The following ADAMTS2 variants were observed in gnomAD, a reference collection of about 807,000 sequenced individuals.
ADAMTS2 encodes ADAM metallopeptidase with thrombospondin type 1 motif 2.
In ADAMTS2, 50 loss-of-function variants were observed where a neutral mutation model predicts 123.0. The observed-to-expected ratio is 0.41, with a 90% CI of 0.32 to 0.51. The LOEUF is 0.51. Ranked by LOEUF, ADAMTS2 falls within the 20% of genes least tolerant of loss-of-function variation. The probability of loss-of-function intolerance (pLI) is 0.35; values close to 1 mark genes in which losing one functional copy is unlikely to be tolerated. For missense variants in ADAMTS2, 1,494 were observed against 1,705.2 expected (o/e 0.88, Z 2.18); for synonymous variants, 678 against 695.4 (o/e 0.98, Z 0.39).
In ADAMTS2 at chr5:179,234,788, G is replaced by A. The variant is rs1461296134; in HGVS notation, c.689-27073C>T. ...GATGCAGCAGCCTCCTCCCAGACCT[G>A]GCCCCATCCGCTGCTGCTCCCTGCC... On this transcript the variant is annotated intron_variant, in intron 3 of 21. Transcript: ENST00000251582. The surrounding 1 kb of genome is among the most constrained non-coding windows in gnomAD (Gnocchi z 4.7). Among the ~76,000 whole-genome samples the A allele has an allele frequency of 4.6e-5, 7 of 152,082 alleles. No homozygotes were observed. The highest frequency in any genetic ancestry group is 1.7e-4 in the African/African-American group (7 of 41,386).
rs565523551 is a variant in ADAMTS2, at chr5:179,288,766, G to A, written c.535-15702C>T. On this transcript the variant is annotated intron_variant, in intron 2 of 21. Transcript: ENST00000251582. The stretch of plus-strand genomic sequence containing the variant: ...CCTCCCTGGATGCCACTACAGATTC[G>A]GGGAGACTGAACTCATGGGATCAAG... 3.9e-5 allele frequency among the ~76,000 whole-genome samples: 6 copies of A among 152,318 alleles called. No individual in the cohort carries two copies. In the East Asian group the frequency reaches 7.7e-4, roughly 20 times the overall value.
intron 2 of ADAMTS2, among the ~76,000 whole-genome samples, chr5:179,321,490 C>T (rs1177508534): frequency 6.6e-6 from 1 of 152,032 alleles, no homozygotes; most frequent in African/African-American, 2.4e-5. Flanking sequence ...TCCCTGAACC[C>T]CCTCCTCTTG....
rs1305396825 is a variant in ADAMTS2, at chr5:179,114,197, C to T, written c.3306G>A (p.Val1102=). Residue 1102 remains valine, a synonymous_variant, in exon 22 of 22, where the codon GTG becomes GTA. Transcript: ENST00000251582. ...SCNLYNNLTN[V]EGRIEPPPGK... is the part of the protein sequence containing the mutation. ...CAGGCGGTGGCTCTATCCTGCCCTC[C>T]ACGTTGGTGAGGTTGTTGTACAGGT... The T allele has an allele frequency of 5.6e-6, 9 of 1,611,716 alleles. No homozygotes were observed. The highest frequency in any genetic ancestry group is 2.2e-5 in the East Asian group (1 of 44,858).
At chr5:179,298,603 C>G (rs1756410931) in intron 2 of ADAMTS2, among the ~76,000 whole-genome samples, 1 of 152,110 alleles carries the variant, frequency 6.6e-6, no homozygotes, top group South Asian at 2.1e-4. Flanking sequence ...ACCTGCAGAG[C>G]CTGGGATGCT....
intron 5 of ADAMTS2, among the ~76,000 whole-genome samples, chr5:179,171,632 G>A (rs1306252435): frequency 9.9e-5 from 15 of 152,148 alleles, no homozygotes; most frequent in Non-Finnish European, 1.9e-4. Flanking sequence ...GGGCACTGGC[G>A]TCCCCTACCC....
At chr5:179,127,109 G>A (rs1581140055) in intron 17 of ADAMTS2, among the ~76,000 whole-genome samples, 3 of 152,186 alleles carry the variant, frequency 2.0e-5, no homozygotes, top group African/African-American at 7.2e-5. Context: ...TCCCTCAAAC[G>A]GTTACTTTGG....
rs1261430950 is a variant in ADAMTS2 at position 179,262,628 on chromosome 5, T to C, written c.688+10283A>G. On this transcript the variant is annotated intron_variant, in intron 3 of 21. Transcript: ENST00000251582. This position sits in a 1 kb window ranked among gnomAD's most constrained non-coding sequence, Gnocchi z 5.9. ...GGGCTCCTGCATGTGCTGTTCCCTC[T>C]GCCTGGAACACCCTTCCCAGGGCTG... 6.6e-6 allele frequency among the ~76,000 whole-genome samples: 1 copy of C among 152,216 alleles called. No individual in the cohort carries two copies.
intron 3 of ADAMTS2, among the ~76,000 whole-genome samples, chr5:179,261,656 G>A (rs1471460533): frequency 2.0e-5 from 3 of 152,230 alleles, no homozygotes; most frequent in Non-Finnish European, 2.9e-5. Context: ...CTTTTGTGTG[G>A]GGAACAGCTG....
intron 3 of ADAMTS2, among the ~76,000 whole-genome samples, chr5:179,271,650 T>G (rs1478332263): frequency 6.6e-6 from 1 of 152,248 alleles, no homozygotes; most frequent in Non-Finnish European, 1.5e-5. Context: ...GTGGCCCGGC[T>G]GTCTGCAGCA....
chr5:179,271,246 G>C (rs1581234952), intron 3 of ADAMTS2, among the ~76,000 whole-genome samples: 1 of 152,178 alleles, frequency 6.6e-6, no homozygotes, highest in South Asian at 2.1e-4. Flanking sequence ...GGGAAGGGCT[G>C]CCATGTTCAG....
At chr5:179,337,897 T>C (rs26811) in intron 2 of ADAMTS2, among the ~76,000 whole-genome samples, 1 of 139,068 alleles carries the variant, frequency 7.2e-6, no homozygotes, top group African/African-American at 2.7e-5. Context: ...CACCCAGGTG[T>C]GGCCCCTATG....
At chr5:179,163,169 C>T (rs183138278) in intron 5 of ADAMTS2, among the ~76,000 whole-genome samples, 378 of 152,122 alleles carry the variant, frequency 2.5e-3, no homozygotes, top group African/African-American at 8.6e-3. Flanking sequence ...TGGGGAGTAC[C>T]GGGAGGATGC....
chr5:179,168,916 C>T (rs766297973), intron 5 of ADAMTS2, among the ~76,000 whole-genome samples: 14 of 152,208 alleles, frequency 9.2e-5, no homozygotes, highest in East Asian at 1.9e-4. Context: ...CCAGAACTCC[C>T]ATATCGTTCC....
chr5:179,194,821 C>T (rs1764383811), intron 4 of ADAMTS2, among the ~76,000 whole-genome samples: 2 of 152,010 alleles, frequency 1.3e-5, no homozygotes, highest in South Asian at 4.1e-4. Context: ...AATGTGAGTT[C>T]CCCTCCTCAG....
intron 10 of ADAMTS2, among the ~76,000 whole-genome samples, chr5:179,147,102 G>A (rs894165399): frequency 3.9e-5 from 6 of 152,000 alleles, no homozygotes; most frequent in Admixed American, 2.0e-4. Context: ...TTTATTTATC[G>A]TTTTGAGATG....
intron 3 of ADAMTS2, among the ~76,000 whole-genome samples, chr5:179,220,797 C>T (rs1456083554): frequency 1.3e-5 from 2 of 152,210 alleles, no homozygotes; most frequent in Non-Finnish European, 2.9e-5. Flanking sequence ...GTGGCCTTCA[C>T]GTCCTTTGAT....
chr5:179,122,795 G>A (rs1208667110), intron 19 of ADAMTS2, 22 bp from the exon 20 acceptor site: 4 of 1,552,344 alleles, frequency 2.6e-6, no homozygotes, highest in Non-Finnish European at 3.5e-6. Flanking sequence ...GAGTCGCCAG[G>A]CAGGGTTCAC....
At chr5:179,124,476 C>G (rs959118595) in intron 19 of ADAMTS2, among the ~76,000 whole-genome samples, 1 of 152,182 alleles carries the variant, frequency 6.6e-6, no homozygotes, top group Non-Finnish European at 1.5e-5. Flanking sequence ...CCTGGAGCCC[C>G]GAACATCCTA....
At chr5:179,299,489 A>G (rs1178737390) in intron 2 of ADAMTS2, among the ~76,000 whole-genome samples, 1 of 146,486 alleles carries the variant, frequency 6.8e-6, no homozygotes, top group Non-Finnish European at 1.5e-5. Context: ...AGATCACACC[A>G]CAGCACTCCA....
Sources: allele counts gnomAD v4.1 joint callset (sites outside exome capture counted in the v4.1 genomes callset), GRCh38; gene constraint gnomAD v4.1.1; non-coding constraint Gnocchi (gnomAD v3.1); transcripts MANE v1.5; gene names NCBI Gene and HGNC (gene_info 2026-07-23, HGNC 2026-07-21).